Variants in LRCH3 observed in about 807,000 individuals in gnomAD.
LRCH3 encodes leucine rich repeats and calponin homology domain containing 3.
A neutral mutation model predicts 104.5 loss-of-function variants in LRCH3; 68 were observed. The ratio of observed to expected loss-of-function variants is 0.65; its 90% CI spans 0.54 to 0.80. LRCH3 has a LOEUF of 0.80. Ranked by LOEUF, LRCH3 falls within the 30% of genes least tolerant of loss-of-function variation. The probability of loss-of-function intolerance (pLI) is 0.00; values close to 1 mark genes in which losing one functional copy is unlikely to be tolerated. For missense variants in LRCH3, 951 were observed against 953.9 expected (o/e 1.00, Z 0.04); for synonymous variants, 344 against 361.3 (o/e 0.95, Z 0.54).
In LRCH3 at chr3:197,837,943, C is replaced by CCA. The variant is rs1177042561; in HGVS notation, c.1252-1377_1252-1376dup. Among the ~76,000 whole-genome samples, 9 of 152,036 alleles carry CCA rather than the reference C, an allele frequency of 5.9e-5. 1 individual carries two copies. In the South Asian group the frequency reaches 1.9e-3, roughly 32 times the overall value. ...GGTGTCATGGCAGGTGCCTGTAATC[C>CCA]CAGCCACTCGGGAGGCTGAGGCACG... On this transcript the variant is annotated intron_variant, in intron 9 of 20. Transcript: ENST00000425562.
At position 197,854,474 on chromosome 3, in the gene LRCH3, G is replaced by A. The variant is rs367754117; in HGVS notation, c.1644+29G>A. The stretch of plus-strand genomic sequence containing the variant: ...AGAGTTTTGCACAAAACGGAGTTTC[G>A]CATTTCTGTGTTTAGAGATTGTACT... On this transcript the variant is annotated intron_variant, in intron 14 of 20. Coordinates refer to ENST00000425562, the MANE Select transcript of LRCH3 (RefSeq NM_001365715.1). The surrounding 1 kb of genome is among the most constrained non-coding windows in gnomAD (Gnocchi z 4.5). 8.7e-6 allele frequency: 14 copies of A among 1,603,024 alleles called. No individual in the cohort carries two copies. The highest frequency in any genetic ancestry group is 4.5e-5 in the East Asian group (2 of 44,830).
chr3:197,832,851 A>G (rs1236676806), intron 8 of LRCH3, among the ~76,000 whole-genome samples: 1 of 151,940 alleles, frequency 6.6e-6, no homozygotes, highest in Non-Finnish European at 1.5e-5. Flanking sequence ...CAGACTCTTG[A>G]TTTTCGCATT....
At chr3:197,838,240 C>T (rs775411401) in intron 9 of LRCH3, among the ~76,000 whole-genome samples, 9 of 152,160 alleles carry the variant, frequency 5.9e-5, no homozygotes, top group Non-Finnish European at 7.4e-5. Flanking sequence ...GGCCACATAG[C>T]GACACTCTGT....
At chr3:197,839,212 TG>T (rs1737413179) in intron 9 of LRCH3, 108 bp from the exon 10 acceptor site, 2 of 682,372 alleles carry the variant, frequency 2.9e-6, no homozygotes, top group African/African-American at 1.9e-5. Flanking sequence ...TCTATTAAAA[TG>T]TTTTTTAGTG....
chr3:197,880,799 T>G, intron 20 of LRCH3: 1 of 1,524,828 alleles, frequency 6.6e-7, no homozygotes, highest in Non-Finnish European at 8.8e-7. Context: ...TTTACATAAG[T>G]GCTTTTTCTC....
At chr3:197,881,236 T>C in intron 20 of LRCH3, 1 of 996,234 alleles carries the variant, frequency 1.0e-6, no homozygotes, top group South Asian at 4.4e-5. Flanking sequence ...CCTGAGATCC[T>C]GAATCCCCGC....
intron 15 of LRCH3, among the ~76,000 whole-genome samples, chr3:197,859,978 T>G (rs1459752825): frequency 6.6e-6 from 1 of 152,206 alleles, no homozygotes. Flanking sequence ...TCGTTAGAGC[T>G]TGCTCATTTA....
At chr3:197,804,886 C>CT (rs1208406387) in intron 1 of LRCH3, among the ~76,000 whole-genome samples, 247 of 146,470 alleles carry the variant, frequency 1.7e-3, no homozygotes, top group African/African-American at 5.0e-3. Context: ...TTATCCACTC[C>CT]TTTTTTTTTT....
At chr3:197,882,321 T>TG in intron 20 of LRCH3, 1 of 985,406 alleles carries the variant, frequency 1.0e-6, no homozygotes, top group Non-Finnish European at 1.2e-6. Context: ...TATCTAGACT[T>TG]GCAGTTGCAC....
intron 6 of LRCH3, chr3:197,830,547 T>G: frequency 2.3e-6 from 1 of 431,992 alleles, no homozygotes; most frequent in Non-Finnish European, 4.2e-6. Context: ...TGCAGAGGTG[T>G]GATTGTTTTG....
intron 3 of LRCH3, 118 bp downstream of exon 3, chr3:197,817,420 G>C (rs1466853173): frequency 9.5e-6 from 2 of 210,032 alleles, no homozygotes; most frequent in African/African-American, 2.7e-5. Context: ...TCATACCATA[G>C]TCTTTTATAT....
chr3:197,840,672 A>C (rs1191573658), intron 10 of LRCH3, among the ~76,000 whole-genome samples: 2 of 152,182 alleles, frequency 1.3e-5, no homozygotes, highest in African/African-American at 4.8e-5. Context: ...ACAAGGTATT[A>C]AAGGTAACTC....
intron 8 of LRCH3, among the ~76,000 whole-genome samples, chr3:197,833,139 C>T (rs1484366287): frequency 6.6e-6 from 1 of 152,054 alleles, no homozygotes; most frequent in African/African-American, 2.4e-5. Context: ...CTTTCTCCAT[C>T]AGTTTATTTA....
rs552389762 is a variant in LRCH3, at chr3:197,888,290, T to C, written c.*4624T>C. On this transcript the variant is annotated 3_prime_UTR_variant, in exon 21 of 21. Transcript: ENST00000425562. ...AATTAGTGAAAGATTTTGTAAAACA[T>C]TGTCCTGTATTTTTGTCTGTAAATA... is the stretch of plus-strand genomic sequence containing the variant. 2.6e-5 allele frequency: 4 copies of C among 152,344 alleles called. No homozygotes were observed. The South Asian group carries it at 6.2e-4, about 24-fold the overall frequency. The allele number at this position is 152,344 out of a possible 1,614,324, so 9.4% of individuals were successfully genotyped here.
At chr3:197,835,578 G>A in intron 8 of LRCH3, 96 bp from the exon 9 acceptor site, 2 of 1,319,060 alleles carry the variant, frequency 1.5e-6, no homozygotes, top group South Asian at 2.3e-5. Context: ...AAATCATGGG[G>A]AAAAGGAAAT....
At chr3:197,859,627 A>G (rs1475170258) in intron 15 of LRCH3, among the ~76,000 whole-genome samples, 2 of 152,208 alleles carry the variant, frequency 1.3e-5, no homozygotes, top group Admixed American at 6.5e-5. Flanking sequence ...CATATTTGTT[A>G]TCACTGGATA....
intron 20 of LRCH3, chr3:197,875,983 A>G (rs1712844075): frequency 7.5e-6 from 3 of 398,890 alleles, no homozygotes; most frequent in Non-Finnish European, 1.3e-5. Context: ...AAATATATAG[A>G]TTGAAATAAG....
chr3:197,834,964 T>C (rs575079772), intron 8 of LRCH3, among the ~76,000 whole-genome samples: 3 of 151,958 alleles, frequency 2.0e-5, no homozygotes, highest in Non-Finnish European at 4.4e-5. Context: ...GCCAACATGG[T>C]GAAACCCCGT....
intron 10 of LRCH3, among the ~76,000 whole-genome samples, chr3:197,839,971 CAAA>C (rs61011180): frequency 1.7e-4 from 19 of 111,128 alleles, no homozygotes; most frequent in African/African-American, 4.7e-4. Flanking sequence ...GACCCTGTCT[CAAA>C]AAAAAAAAAA....
Sources: allele counts gnomAD v4.1 joint callset (sites outside exome capture counted in the v4.1 genomes callset), GRCh38; gene constraint gnomAD v4.1.1; non-coding constraint Gnocchi (gnomAD v3.1); transcripts MANE v1.5; gene names NCBI Gene and HGNC (gene_info 2026-07-23, HGNC 2026-07-21).